The following KLF13 variants were observed in gnomAD, a reference collection of about 807,000 sequenced individuals.
KLF13 encodes the protein Krueppel-like factor 13.
KLF13 carries 8 observed loss-of-function variants against 16.7 expected under a neutral mutation model. The ratio of observed to expected loss-of-function variants is 0.48; its 90% confidence interval spans 0.28 to 0.87. KLF13 has a LOEUF of 0.87. KLF13 is among the 40% of genes least tolerant of loss of function. The pLI, the probability that KLF13 is intolerant of heterozygous loss-of-function variation, is 0.10. For synonymous variants in KLF13, 245 were observed against 208.4 expected (o/e 1.18, Z -1.51); for missense variants, 447 against 452.2 (o/e 0.99, Z 0.10).
intron 1 of KLF13, among the ~76,000 whole-genome samples, chr15:31,356,382 T>C (rs568736092): frequency 1.2e-4 from 18 of 152,306 alleles, no homozygotes; most frequent in Non-Finnish European, 2.2e-4. Context: ...GGTGAAACCC[T>C]GTCTCTACTA....
At chr15:31,381,551 C>A (rs1468107650), downstream of KLF13, among the ~76,000 whole-genome samples, 1 of 152,152 alleles carries the variant, frequency 6.6e-6, no homozygotes, top group Non-Finnish European at 1.5e-5. Flanking sequence ...GATGAGCCCC[C>A]CATCCACCCC....
At chr15:31,336,495 C>T (rs576811826) in intron 1 of KLF13, among the ~76,000 whole-genome samples, 4 of 152,312 alleles carry the variant, frequency 2.6e-5, no homozygotes, top group African/African-American at 7.2e-5. Flanking sequence ...GCCTGTGATA[C>T]AGCCAGAATT....
At chr15:31,404,963 C>T (rs80000877), downstream of KLF13, among the ~76,000 whole-genome samples, 3 of 152,236 alleles carry the variant, frequency 2.0e-5, no homozygotes, top group Non-Finnish European at 4.4e-5. Context: ...CAGGCTCCAC[C>T]CTGCCTCAAA....
At chr15:31,336,920 C>T (rs1299831043) in intron 1 of KLF13, among the ~76,000 whole-genome samples, 1 of 152,136 alleles carries the variant, frequency 6.6e-6, no homozygotes, top group Non-Finnish European at 1.5e-5. Context: ...TTTTCAGGGA[C>T]CAGGGCGGAT....
In KLF13 at chr15:31,373,121, C is replaced by G. The variant is rs1402704875; in HGVS notation, c.*822C>G. 6.6e-6 allele frequency: 1 copy of G among 152,308 alleles called. No homozygotes were observed. The highest frequency in any genetic ancestry group is 6.5e-5 in the Admixed American group (1 of 15,292). The allele number at this position is 152,308 out of a possible 1,614,324, so 9.4% of individuals were successfully genotyped here. Reference sequence around the variant, plus strand: ...GCCAGGACTCCGCTTCTCCGTGTCCCAGCAGAAGGCATGCAGGACCCTGTC... The same window carrying G: ...GCCAGGACTCCGCTTCTCCGTGTCCGAGCAGAAGGCATGCAGGACCCTGTC... On this transcript the variant is annotated 3_prime_UTR_variant, in exon 2 of 2. Coordinates refer to ENST00000307145, the MANE Select transcript of KLF13 (RefSeq NM_015995.4).
intron 1 of KLF13, among the ~76,000 whole-genome samples, chr15:31,342,189 C>T (rs2039035880): frequency 6.6e-6 from 1 of 152,158 alleles, no homozygotes; most frequent in South Asian, 2.1e-4. Flanking sequence ...TTGCCCTGCA[C>T]CCTGTGTCAG....
At chr15:31,343,274 G>A (rs1220741220) in intron 1 of KLF13, among the ~76,000 whole-genome samples, 1 of 152,230 alleles carries the variant, frequency 6.6e-6, no homozygotes, top group Non-Finnish European at 1.5e-5. Flanking sequence ...GCAAGGTCTG[G>A]GGTGGCCACA....
chr15:31,394,124 GAAA>G (rs72315214), intron 2 of KLF13, among the ~76,000 whole-genome samples: 1 of 151,550 alleles, frequency 6.6e-6, no homozygotes, highest in African/African-American at 2.4e-5. Context: ...TAAGTTAAAG[GAAA>G]AAAAAGGAAG....
At chr15:31,419,660 G>A (rs2040298393) in intron 1 of KLF13, among the ~76,000 whole-genome samples, 1 of 152,192 alleles carries the variant, frequency 6.6e-6, no homozygotes. Context: ...AGTGAAGAAA[G>A]CATAAGGGAC....
intron 1 of KLF13, among the ~76,000 whole-genome samples, chr15:31,328,430 G>A (rs1172319919): frequency 6.6e-6 from 1 of 151,928 alleles, no homozygotes; most frequent in Non-Finnish European, 1.5e-5. Flanking sequence ...CCCGGGTCCC[G>A]CTCCCCGCCT....
chr15:31,361,682 G>A (rs972927622), intron 1 of KLF13, among the ~76,000 whole-genome samples: 8 of 152,140 alleles, frequency 5.3e-5, no homozygotes, highest in African/African-American at 1.9e-4. Flanking sequence ...TGCCTAGAGA[G>A]CCGGCTGGGA....
chr15:31,432,236 G>A (rs1255847893), intron 1 of KLF13, among the ~76,000 whole-genome samples: 1 of 152,020 alleles, frequency 6.6e-6, no homozygotes, highest in African/African-American at 2.4e-5. Flanking sequence ...CTCTTGCACT[G>A]GAAAGGGGGC....
intron 1 of KLF13, among the ~76,000 whole-genome samples, chr15:31,362,670 T>G (rs1432265754): frequency 6.6e-6 from 1 of 152,224 alleles, no homozygotes; most frequent in Non-Finnish European, 1.5e-5. Context: ...CTAAAAGATT[T>G]AAGTAGTTTC....
Position 31,372,146 on chromosome 15 carries a change from C to T in KLF13, c.714C>T (p.Arg238=). 4 of 1,613,022 alleles carry T rather than the reference C, an allele frequency of 2.5e-6. No homozygotes were observed. Among genetic ancestry groups the T allele is most frequent in the Non-Finnish European group, 3.4e-6 (4 of 1,179,952 alleles). ...CCATCTGCGAGAAGCGCTTCATGCG[C>T]AGCGACCACCTGACCAAGCACGCGC... The part of the protein sequence containing the change: ...SCPICEKRFM[R]SDHLTKHARR... Residue 238 remains arginine (R), a synonymous_variant, in exon 2 of 2, where the codon CGC becomes CGT. Transcript: ENST00000307145.
At chr15:31,333,849 C>T (rs1271589986) in intron 1 of KLF13, among the ~76,000 whole-genome samples, 4 of 152,174 alleles carry the variant, frequency 2.6e-5, no homozygotes, top group African/African-American at 4.8e-5. Context: ...TAGAACAACT[C>T]ACAATGTGGA....
At chr15:31,383,652 G>T (rs1215824410) in intron 1 of KLF13, among the ~76,000 whole-genome samples, 1 of 152,224 alleles carries the variant, frequency 6.6e-6, no homozygotes, top group Non-Finnish European at 1.5e-5. Context: ...TATAATCCCA[G>T]CACTTTGGGA....
chr15:31,434,655 G>A (rs970509367), intron 1 of KLF13, among the ~76,000 whole-genome samples: 8 of 152,236 alleles, frequency 5.3e-5, no homozygotes, highest in African/African-American at 1.9e-4. Context: ...AGCGGGTTAA[G>A]AGCAGAAATC....
chr15:31,381,422 T>C (rs1053475700), downstream of KLF13, among the ~76,000 whole-genome samples: 1 of 152,108 alleles, frequency 6.6e-6, no homozygotes, highest in Admixed American at 6.5e-5. Flanking sequence ...TTCAAATCCA[T>C]CAGAGTAGCG....
intron 1 of KLF13, among the ~76,000 whole-genome samples, chr15:31,333,421 A>G (rs1370463231): frequency 1.3e-5 from 2 of 152,100 alleles, no homozygotes; most frequent in Non-Finnish European, 1.5e-5. Flanking sequence ...AGAAATCTGG[A>G]TGTCCCCAGC....
Sources: allele counts gnomAD v4.1 joint callset (sites outside exome capture counted in the v4.1 genomes callset), GRCh38; gene constraint gnomAD v4.1.1; transcripts MANE v1.5; gene names NCBI Gene and HGNC (gene_info 2026-07-23, HGNC 2026-07-21).